The following GRID1 variants were observed in gnomAD, a reference collection of about 807,000 sequenced individuals.
The protein encoded by GRID1 is glutamate receptor ionotropic, delta-1.
Under a neutral mutation model 98.0 loss-of-function variants are expected in GRID1, and 28 were observed. The ratio of observed to expected loss-of-function variants is 0.29; its 90% CI spans 0.21 to 0.39. The LOEUF (loss-of-function observed/expected upper bound fraction) is 0.39. Among genes scored for constraint, GRID1 ranks in the 10% least tolerant of loss-of-function variants. GRID1 has a pLI of 1.00. For missense variants in GRID1, 1,111 were observed against 1,340.5 expected (o/e 0.83, Z 2.67); for synonymous variants, 553 against 538.5 (o/e 1.03, Z -0.37).
At chr10:85,668,910 G>A (rs568989169) in intron 12 of GRID1, among the ~76,000 whole-genome samples, 14 of 152,340 alleles carry the variant, frequency 9.2e-5, no homozygotes, top group African/African-American at 3.4e-4. Context: ...ACAATGGAGT[G>A]TGCTCAAGGG....
chr10:85,894,846 A>G (rs1052066652), intron 5 of GRID1, among the ~76,000 whole-genome samples: 1 of 151,566 alleles, frequency 6.6e-6, no homozygotes, highest in African/African-American at 2.4e-5. Flanking sequence ...CGTCTCTACT[A>G]AAAATACAAA....
intron 3 of GRID1, among the ~76,000 whole-genome samples, chr10:86,183,216 T>C (rs1446374634): frequency 3.3e-5 from 5 of 152,206 alleles, no homozygotes; most frequent in Admixed American, 6.5e-5. Flanking sequence ...TCACATAGTA[T>C]ATACTCTTTT....
At chr10:85,657,485 A>G (rs112702979) in intron 12 of GRID1, among the ~76,000 whole-genome samples, 19 of 152,322 alleles carry the variant, frequency 1.2e-4, no homozygotes, top group Admixed American at 5.9e-4. Flanking sequence ...TCTAATGAAC[A>G]TAGGTTATAT....
chr10:86,264,603 T>C, intron 2 of GRID1: 1 of 456,620 alleles, frequency 2.2e-6, no homozygotes, highest in Non-Finnish European at 4.4e-6. Context: ...CAGGAGGGCC[T>C]GGCCTGATGC....
chr10:85,799,317 T>C (rs1564594216), intron 8 of GRID1, among the ~76,000 whole-genome samples: 1 of 152,144 alleles, frequency 6.6e-6, no homozygotes, highest in South Asian at 2.1e-4. Context: ...TTGCTTTTGC[T>C]ATCTGGGATC....
intron 12 of GRID1, among the ~76,000 whole-genome samples, chr10:85,706,641 C>A (rs1590198200): frequency 6.6e-6 from 1 of 152,274 alleles, no homozygotes; most frequent in Admixed American, 6.5e-5. Flanking sequence ...CAAAAAAGAG[C>A]CCGCATTGCC....
At position 85,722,991 on chromosome 10, in the gene GRID1, G is replaced by C; in HGVS notation, c.1997+12C>G. Reference sequence around the variant, plus strand: ...GAGCTGCTGGCTCCAGATCAAGGAGGAATAGGCTTACCTTATGGGGTTGTC... The same window carrying C: ...GAGCTGCTGGCTCCAGATCAAGGAGCAATAGGCTTACCTTATGGGGTTGTC... On this transcript the variant is annotated intron_variant, in intron 12 of 15. Coordinates refer to ENST00000327946, the MANE Select transcript of GRID1 (RefSeq NM_017551.3). The C allele has an allele frequency of 6.2e-7, 1 of 1,604,060 alleles. No homozygotes were observed. The highest frequency in any genetic ancestry group is 8.5e-7 in the Non-Finnish European group (1 of 1,174,868).
chr10:86,350,530 TC>T (rs1267223053), intron 2 of GRID1, among the ~76,000 whole-genome samples: 1 of 151,488 alleles, frequency 6.6e-6, no homozygotes, highest in Non-Finnish European at 1.5e-5. Flanking sequence ...TCCTTCACAT[TC>T]CCTAAGCAAT....
intron 8 of GRID1, among the ~76,000 whole-genome samples, chr10:85,839,003 T>A (rs1483783322): frequency 6.6e-6 from 1 of 152,138 alleles, no homozygotes; most frequent in Non-Finnish European, 1.5e-5. Flanking sequence ...TCCTTGTCTC[T>A]GACAAAACAG....
At chr10:86,165,666 G>C (rs1052350407) in intron 3 of GRID1, among the ~76,000 whole-genome samples, 5 of 152,176 alleles carry the variant, frequency 3.3e-5, no homozygotes, top group African/African-American at 9.7e-5. Context: ...GGGTTCTAAG[G>C]GTTAGAATTC....
intron 12 of GRID1, among the ~76,000 whole-genome samples, chr10:85,652,518 C>G (rs1021729450): frequency 6.6e-6 from 1 of 152,106 alleles, no homozygotes; most frequent in African/African-American, 2.4e-5. Flanking sequence ...TCAAAAGACA[C>G]GGGAGGGTGG....
rs551193319 is a variant in GRID1, at chr10:85,632,578, T to C, written c.2194-12545A>G. Among the ~76,000 whole-genome samples, 16 of 152,250 alleles carry C rather than the reference T, an allele frequency of 1.1e-4. No individual in the cohort carries two copies. The East Asian group carries it at 2.9e-3, about 28-fold the overall frequency. On this transcript the variant is annotated intron_variant, in intron 13 of 15. Transcript: ENST00000327946. Reference sequence around the variant, plus strand: ...TAACATATACTTTTTAAGGTTTTTTTGTTGTTTTGAGATGGAGTCTTGCTC... The same window carrying C: ...TAACATATACTTTTTAAGGTTTTTTCGTTGTTTTGAGATGGAGTCTTGCTC...
chr10:85,700,366 C>T (rs1460686848), intron 12 of GRID1, among the ~76,000 whole-genome samples: 1 of 152,182 alleles, frequency 6.6e-6, no homozygotes, highest in African/African-American at 2.4e-5. Context: ...TGTGTCTATG[C>T]TCATGACAAC....
chr10:86,207,403 C>G (rs929034620), intron 2 of GRID1, among the ~76,000 whole-genome samples: 1 of 152,198 alleles, frequency 6.6e-6, no homozygotes, highest in Non-Finnish European at 1.5e-5. Flanking sequence ...GACGCTCCAG[C>G]AGCCGCTTCT....
In GRID1 at chr10:86,016,348, G is replaced by A. The variant is rs532484587; in HGVS notation, c.727-100109C>T. Among the ~76,000 whole-genome samples the A allele has an allele frequency of 1.2e-4, 18 of 151,466 alleles. No homozygotes were observed. In the South Asian group the frequency reaches 1.3e-3, roughly 11 times the overall value. ...TTTTTAGTAGAGACGGGGTTTCACC[G>A]TGTTAGCCAGGATGGTAAGAGCACC... On this transcript the variant is annotated intron_variant, in intron 4 of 15. Transcript: ENST00000327946.
chr10:86,152,339 G>T (rs957375312), intron 3 of GRID1, among the ~76,000 whole-genome samples: 1 of 152,218 alleles, frequency 6.6e-6, no homozygotes, highest in African/African-American at 2.4e-5. Context: ...CTGGGCAGGA[G>T]GGATGCCAGA....
At chr10:86,141,588 G>A (rs1428430043) in intron 3 of GRID1, among the ~76,000 whole-genome samples, 1 of 152,260 alleles carries the variant, frequency 6.6e-6, no homozygotes, top group Non-Finnish European at 1.5e-5. Context: ...GGGTGCCAAT[G>A]AGGGTTTCTC....
chr10:85,727,013 G>T (rs1470691168), intron 10 of GRID1, among the ~76,000 whole-genome samples: 1 of 152,180 alleles, frequency 6.6e-6, no homozygotes, highest in Non-Finnish European at 1.5e-5. Context: ...AAAGCAAAGG[G>T]CCTGTGCTGT....
Position 85,655,774 on chromosome 10 carries a change from T to A in GRID1, c.1998-8377A>T, listed in dbSNP as rs1215647261. 2.0e-5 allele frequency among the ~76,000 whole-genome samples: 3 copies of A among 152,206 alleles called. No individual in the cohort carries two copies. The East Asian group carries it at 5.8e-4, about 29-fold the overall frequency. ...AGAGAACTCCCTTCTCGAAAACTAG[T>A]GAATAGTTGCCTTCCATCCTTTTAA... On this transcript the variant is annotated intron_variant, in intron 12 of 15. Transcript: ENST00000327946.
Sources: allele counts gnomAD v4.1 joint callset (sites outside exome capture counted in the v4.1 genomes callset), GRCh38; gene constraint gnomAD v4.1.1; transcripts MANE v1.5; gene names NCBI Gene and HGNC (gene_info 2026-07-23, HGNC 2026-07-21).